ARHGEF28: variants seen among roughly 807,000 people sequenced by gnomAD.
The protein encoded by ARHGEF28 is 190 kDa guanine nucleotide exchange factor.
ARHGEF28 carries 152 observed loss-of-function variants against 206.6 expected under a neutral mutation model. The observed-to-expected ratio is 0.74, with a 90% confidence interval of 0.64 to 0.84. The LOEUF (loss-of-function observed/expected upper bound fraction) is 0.84, where lower values mean the gene tolerates loss of function less well. ARHGEF28 is among the 40% of genes least tolerant of loss of function. ARHGEF28 has a pLI of 0.00. For synonymous variants in ARHGEF28, 763 were observed against 776.4 expected, an observed-to-expected ratio of 0.98 and a Z score of 0.29; for missense variants, 2,028 against 2,073.2, an observed-to-expected ratio of 0.98 and a Z score of 0.42.
At chr5:73,722,581 T>A (rs1750026703) in intron 2 of ARHGEF28, among the ~76,000 whole-genome samples, 1 of 152,238 alleles carries the variant, frequency 6.6e-6, no homozygotes, top group Admixed American at 6.5e-5. Flanking sequence ...GAATGGGACA[T>A]GAAAATAATG....
intron 1 of ARHGEF28, among the ~76,000 whole-genome samples, chr5:73,639,702 A>G (rs1743949563): frequency 6.6e-6 from 1 of 152,176 alleles, no homozygotes; most frequent in South Asian, 2.1e-4. Context: ...AGTAAGCCTT[A>G]TATCACTAGA....
intron 29 of ARHGEF28, among the ~76,000 whole-genome samples, chr5:73,895,014 G>GGAA (rs1397445574): frequency 6.6e-6 from 1 of 152,146 alleles, no homozygotes; most frequent in African/African-American, 2.4e-5. Context: ...ACAGGCTGAG[G>GGAA]GAAGGGAGGG....
chr5:73,703,893 G>A (rs1156781224), intron 2 of ARHGEF28, among the ~76,000 whole-genome samples: 1 of 151,532 alleles, frequency 6.6e-6, no homozygotes, highest in Non-Finnish European at 1.5e-5. Context: ...AAAATGTGAC[G>A]TGCGCCTGTA....
intron 9 of ARHGEF28, among the ~76,000 whole-genome samples, chr5:73,796,947 G>A (rs922638851): frequency 2.6e-5 from 4 of 152,136 alleles, no homozygotes; most frequent in Admixed American, 1.3e-4. Flanking sequence ...GCTGGGGGAG[G>A]GAGGTAGGCT....
At chr5:73,938,387 C>T (rs1257530507) in intron 35 of ARHGEF28, among the ~76,000 whole-genome samples, 4 of 152,090 alleles carry the variant, frequency 2.6e-5, no homozygotes, top group Non-Finnish European at 5.9e-5. Context: ...ATTTTTTGCT[C>T]CATGTTTCAC....
chr5:73,650,640 T>C (rs1175429109), intron 1 of ARHGEF28, among the ~76,000 whole-genome samples: 1 of 151,842 alleles, frequency 6.6e-6, no homozygotes, highest in Non-Finnish European at 1.5e-5. Context: ...TCTTCCTTCT[T>C]CTTAATTTTT....
At chr5:73,823,844 G>T (rs1756737223) in intron 9 of ARHGEF28, among the ~76,000 whole-genome samples, 1 of 152,212 alleles carries the variant, frequency 6.6e-6, no homozygotes, top group African/African-American at 2.4e-5. Context: ...TTGATTAGCT[G>T]TGTGCCCTTG....
chr5:73,781,159 G>T (rs1056723485), intron 7 of ARHGEF28, among the ~76,000 whole-genome samples: 2 of 152,198 alleles, frequency 1.3e-5, no homozygotes, highest in African/African-American at 2.4e-5. Context: ...TCATGAAGGA[G>T]TTTTTGTCAT....
intron 20 of ARHGEF28, 138 bp from the exon 21 acceptor site, chr5:73,869,931 T>G: frequency 3.4e-5 from 33 of 956,594 alleles, no homozygotes; most frequent in Middle Eastern, 3.3e-4. Flanking sequence ...TTTCACTCCA[T>G]GTTAATATGT....
At chr5:73,912,769 A>G (rs1228936641) in intron 35 of ARHGEF28, among the ~76,000 whole-genome samples, 2 of 152,232 alleles carry the variant, frequency 1.3e-5, no homozygotes, top group African/African-American at 2.4e-5. Context: ...TTAATATATT[A>G]TCTTACAACT....
chr5:73,675,327 A>G (rs1399739534), intron 1 of ARHGEF28, among the ~76,000 whole-genome samples: 3 of 152,194 alleles, frequency 2.0e-5, no homozygotes, highest in African/African-American at 7.2e-5. Context: ...AGTGGGTCAC[A>G]GGGATGTCCC....
At chr5:73,686,878 C>T (rs1394013093) in intron 2 of ARHGEF28, among the ~76,000 whole-genome samples, 1 of 152,080 alleles carries the variant, frequency 6.6e-6, no homozygotes, top group African/African-American at 2.4e-5. Flanking sequence ...ATGAAAAGTA[C>T]AGGAAAGTGT....
At chr5:73,881,469 C>T (rs1276866031) in intron 22 of ARHGEF28, among the ~76,000 whole-genome samples, 1 of 152,120 alleles carries the variant, frequency 6.6e-6, no homozygotes, top group African/African-American at 2.4e-5. Flanking sequence ...TCATCTTTCA[C>T]TGGCATTGTA....
rs1580052017 is a variant in ARHGEF28 at position 73,887,616 on chromosome 5, A to G, written c.3324A>G (p.Leu1108=). 1 of 1,567,560 alleles carries G rather than the reference A, an allele frequency of 6.4e-7. No individual in the cohort carries two copies. The highest frequency in any genetic ancestry group is 8.7e-7 in the Non-Finnish European group (1 of 1,155,026). Reference sequence around the variant, plus strand: ...TTTTCTTTAAAGATATCCTAGCTCTACTTCTAACTGATGTGCTGCTCTTTT... The same window carrying G: ...TTTTCTTTAAAGATATCCTAGCTCTGCTTCTAACTGATGTGCTGCTCTTTT... The part of the protein sequence containing the change: ...ATGRFKDILA[L]LLTDVLLFLQ... Residue 1108 remains leucine, a synonymous_variant, in exon 26 of 36, where the codon CTA becomes CTG. Coordinates refer to ENST00000513042, the MANE Select transcript of ARHGEF28 (RefSeq NM_001177693.2).
At chr5:73,896,873 C>T (rs560137743) in intron 29 of ARHGEF28, among the ~76,000 whole-genome samples, 46 of 152,320 alleles carry the variant, frequency 3.0e-4, no homozygotes, top group African/African-American at 1.0e-3. Context: ...GGGGCAGCGG[C>T]GGACCCAGCT....
At chr5:73,794,809 G>A (rs1414260946) in intron 8 of ARHGEF28, among the ~76,000 whole-genome samples, 1 of 152,144 alleles carries the variant, frequency 6.6e-6, no homozygotes, top group African/African-American at 2.4e-5. Context: ...GTTTTGCCAT[G>A]TTGGCCAAGG....
intron 10 of ARHGEF28, among the ~76,000 whole-genome samples, chr5:73,833,246 T>A (rs1757412261): frequency 6.6e-6 from 1 of 152,232 alleles, no homozygotes; most frequent in Non-Finnish European, 1.5e-5. Flanking sequence ...ACTTAATCCC[T>A]ATATAAGATC....
chr5:73,883,152 A>G (rs572223779), intron 23 of ARHGEF28, among the ~76,000 whole-genome samples: 16 of 152,202 alleles, frequency 1.1e-4, no homozygotes, highest in Non-Finnish European at 2.4e-4. Flanking sequence ...TTTCATTTGA[A>G]TGTTATCCCA....
intron 35 of ARHGEF28, among the ~76,000 whole-genome samples, chr5:73,930,227 G>A (rs1030789296): frequency 6.6e-6 from 1 of 152,194 alleles, no homozygotes; most frequent in Non-Finnish European, 1.5e-5. Context: ...AGCAAGATAT[G>A]AGAACTCCAG....
Sources: gnomAD v4.1 joint callset for allele counts (sites outside exome capture counted in the v4.1 genomes callset) on GRCh38, gnomAD v4.1.1 for gene constraint, MANE v1.5 for transcripts, NCBI Gene and HGNC (gene_info 2026-07-23, HGNC 2026-07-21) for gene names.